The following BCKDHB variants were observed in gnomAD, a reference collection of about 807,000 sequenced individuals.
BCKDHB encodes 2-oxoisovalerate dehydrogenase subunit beta, mitochondrial.
A neutral mutation model predicts 48.5 loss-of-function variants in BCKDHB; 41 were observed. That is an observed-to-expected ratio of 0.85 (90% CI 0.66 to 1.10). The LOEUF is 1.10. Among genes scored for constraint, BCKDHB ranks in the 50% least tolerant of loss-of-function variants. The probability of loss-of-function intolerance (pLI) is 0.00; values close to 1 mark genes in which losing one functional copy is unlikely to be tolerated. For synonymous variants in BCKDHB, 201 were observed against 174.8 expected (o/e 1.15, Z -1.18); for missense variants, 496 against 494.2 (o/e 1.00, Z -0.03).
chr6:80,165,588 G>T lies in BCKDHB; in HGVS notation c.344-2090G>T, dbSNP rs529889215. 2.0e-5 allele frequency among the ~76,000 whole-genome samples: 3 copies of T among 152,268 alleles called. No homozygotes were observed. In the East Asian group the frequency reaches 5.8e-4, roughly 29 times the overall value. ...CATTTGGTTACATGGCCAGACTGTG[G>T]CTATTGTCTTTGTCCACCCAGAATC... On this transcript the variant is annotated intron_variant, in intron 3 of 9. Transcript: ENST00000320393.
intron 1 of BCKDHB, among the ~76,000 whole-genome samples, chr6:80,119,867 ATT>A (rs144052587): frequency 6.7e-5 from 10 of 149,070 alleles, no homozygotes; most frequent in African/African-American, 2.2e-4. Flanking sequence ...TTTTTTTCCT[ATT>A]TTTTTTTTCA....
At chr6:80,167,973 A>G (rs1202285761) in intron 4 of BCKDHB, among the ~76,000 whole-genome samples, 162 bp downstream of exon 4, 1 of 152,232 alleles carries the variant, frequency 6.6e-6, no homozygotes, top group Non-Finnish European at 1.5e-5. Context: ...AAGATCTAAT[A>G]GAATAGTTTA....
At chr6:80,449,956 G>A in the BCKDHB span, among the ~76,000 whole-genome samples, 1 of 151,912 alleles carries the variant, frequency 6.6e-6, no homozygotes, top group Non-Finnish European at 1.5e-5. Flanking sequence ...TGACTAATGA[G>A]TTTATTTTTG....
chr6:80,438,611 G>A, the BCKDHB span, among the ~76,000 whole-genome samples: 1 of 152,052 alleles, frequency 6.6e-6, no homozygotes, highest in African/African-American at 2.4e-5. Context: ...GATAGTAAAT[G>A]AGAAATATTT....
intron 9 of BCKDHB, among the ~76,000 whole-genome samples, chr6:80,309,694 C>T (rs1416853138): frequency 6.6e-6 from 1 of 151,878 alleles, no homozygotes. Context: ...TGGCTTTATT[C>T]TTTACCATTT....
chr6:80,277,676 T>A (rs899914828), intron 9 of BCKDHB, among the ~76,000 whole-genome samples: 46 of 141,916 alleles, frequency 3.2e-4, no homozygotes, highest in African/African-American at 9.6e-4. Flanking sequence ...TTTTTTTTTT[T>A]AAATCACATG....
At chr6:80,294,293 A>G (rs1455770711) in intron 9 of BCKDHB, among the ~76,000 whole-genome samples, 1 of 152,208 alleles carries the variant, frequency 6.6e-6, no homozygotes, top group Non-Finnish European at 1.5e-5. Context: ...TGTTATCTTC[A>G]TAAGCTGAGG....
chr6:80,175,564 A>G (rs1327422898), intron 6 of BCKDHB, among the ~76,000 whole-genome samples: 1 of 152,202 alleles, frequency 6.6e-6, no homozygotes, highest in Non-Finnish European at 1.5e-5. Context: ...TACATTGGCA[A>G]AAATTTGAAG....
chr6:80,246,628 T>C (rs1776626896), intron 8 of BCKDHB, among the ~76,000 whole-genome samples: 1 of 152,206 alleles, frequency 6.6e-6, no homozygotes, highest in South Asian at 2.1e-4. Context: ...CAGCTCATTC[T>C]AACCTGGCAG....
the BCKDHB span, among the ~76,000 whole-genome samples, chr6:80,375,533 C>A: frequency 6.6e-6 from 1 of 151,838 alleles, no homozygotes; most frequent in Non-Finnish European, 1.5e-5. Flanking sequence ...ATGTATTTCA[C>A]TGAAGATTTT....
intron 8 of BCKDHB, among the ~76,000 whole-genome samples, chr6:80,256,638 A>G (rs1486995237): frequency 6.6e-6 from 1 of 152,084 alleles, no homozygotes; most frequent in African/African-American, 2.4e-5. Context: ...TTATACTTTC[A>G]TTTTTTATTT....
intron 9 of BCKDHB, among the ~76,000 whole-genome samples, chr6:80,283,180 A>G (rs1045727359): frequency 2.6e-5 from 4 of 152,060 alleles, no homozygotes; most frequent in Non-Finnish European, 1.5e-5. Context: ...GGGTATTCAG[A>G]TTATTTAATT....
chr6:80,328,639 T>C (rs937528990), intron 9 of BCKDHB, among the ~76,000 whole-genome samples: 18 of 152,342 alleles, frequency 1.2e-4, no homozygotes, highest in African/African-American at 4.3e-4. Flanking sequence ...TATACCCTCC[T>C]GAACGTTGTA....
chr6:80,316,320 G>A (rs368738396), intron 9 of BCKDHB, among the ~76,000 whole-genome samples: 1 of 151,726 alleles, frequency 6.6e-6, no homozygotes, highest in African/African-American at 2.4e-5. Flanking sequence ...CGTATGAAAA[G>A]TAATTCCAAT....
At chr6:80,124,647 C>G (rs574193034) in intron 1 of BCKDHB, among the ~76,000 whole-genome samples, 32 of 152,154 alleles carry the variant, frequency 2.1e-4, no homozygotes, top group Admixed American at 1.0e-3. Context: ...TAATGGCCTT[C>G]TTTGTCTCTT....
At chr6:80,303,107 C>T (rs1767668619) in intron 9 of BCKDHB, among the ~76,000 whole-genome samples, 1 of 152,094 alleles carries the variant, frequency 6.6e-6, no homozygotes, top group Non-Finnish European at 1.5e-5. Context: ...ATTACCTGAA[C>T]TCAAAGGGTA....
intron 9 of BCKDHB, among the ~76,000 whole-genome samples, chr6:80,340,365 G>A (rs1008008248): frequency 3.3e-5 from 5 of 152,072 alleles, no homozygotes; most frequent in African/African-American, 4.8e-5. Context: ...GGTGCCTGTC[G>A]TCTCTGGTTA....
At chr6:80,321,228 AATAT>A in intron 9 of BCKDHB, among the ~76,000 whole-genome samples, 1 of 152,310 alleles carries the variant, frequency 6.6e-6, no homozygotes, top group Admixed American at 6.5e-5. Context: ...TTGGGTACAG[AATAT>A]CAGTAGTGGT....
chr6:80,413,613 C>G, the BCKDHB span, among the ~76,000 whole-genome samples: 1 of 152,200 alleles, frequency 6.6e-6, no homozygotes, highest in Non-Finnish European at 1.5e-5. Flanking sequence ...ATTCATGTTT[C>G]TGCAAAGAAC....
Sources: allele counts gnomAD v4.1 joint callset (sites outside exome capture counted in the v4.1 genomes callset), GRCh38; gene constraint gnomAD v4.1.1; transcripts MANE v1.5; gene names NCBI Gene and HGNC (gene_info 2026-07-23, HGNC 2026-07-21).